Variants in DIS3L2 observed in about 807,000 individuals in gnomAD.
DIS3L2 encodes the protein DIS3-like exonuclease 2.
In DIS3L2, 34 loss-of-function variants were observed where a neutral mutation model predicts 97.5. The ratio of observed to expected loss-of-function variants is 0.35; its 90% CI spans 0.27 to 0.46. The LOEUF is 0.46. Ranked by LOEUF, DIS3L2 falls within the 20% of genes least tolerant of loss-of-function variation. The pLI is 1.00. For synonymous variants in DIS3L2, 435 were observed against 445.2 expected, an observed-to-expected ratio of 0.98 and a Z score of 0.29; for missense variants, 1,038 against 1,146.0, an observed-to-expected ratio of 0.91 and a Z score of 1.36.
chr2:232,323,751 C>T (rs954478634), intron 14 of DIS3L2, among the ~76,000 whole-genome samples: 34 of 152,336 alleles, frequency 2.2e-4, no homozygotes, highest in Admixed American at 5.9e-4. Flanking sequence ...TGGTGGGCCA[C>T]CCAGAGGCCA....
At chr2:232,014,204 T>C (rs1355452556) in intron 1 of DIS3L2, among the ~76,000 whole-genome samples, 1 of 152,224 alleles carries the variant, frequency 6.6e-6, no homozygotes, top group Non-Finnish European at 1.5e-5. Flanking sequence ...ATACAGCTGT[T>C]TGAGCTTCTG....
intron 9 of DIS3L2, among the ~76,000 whole-genome samples, chr2:232,164,317 A>G (rs149697260): frequency 2.0e-5 from 3 of 152,334 alleles, no homozygotes; most frequent in Non-Finnish European, 4.4e-5. Flanking sequence ...TTATAACAAC[A>G]TCTTCTTTGA....
intron 6 of DIS3L2, among the ~76,000 whole-genome samples, chr2:232,098,173 C>T (rs549741310): frequency 1.3e-5 from 2 of 152,212 alleles, no homozygotes; most frequent in Admixed American, 1.3e-4. Context: ...ACATTCCTCC[C>T]TATGAAGTTT....
At chr2:232,103,477 C>T (rs1000876519) in intron 6 of DIS3L2, among the ~76,000 whole-genome samples, 24 of 152,126 alleles carry the variant, frequency 1.6e-4, no homozygotes, top group African/African-American at 5.6e-4. Context: ...CTGTTTTTCC[C>T]TTTGGCTTGT....
chr2:232,148,153 G>A (rs1393248017), intron 8 of DIS3L2, among the ~76,000 whole-genome samples: 2 of 151,002 alleles, frequency 1.3e-5, no homozygotes, highest in Non-Finnish European at 1.5e-5. Flanking sequence ...GGGTTCAAGC[G>A]ATTCTCCTGC....
At chr2:232,079,424 G>A (rs11684388) in intron 5 of DIS3L2, among the ~76,000 whole-genome samples, 1,711 of 151,556 alleles carry the variant, frequency 0.011, 19 homozygotes, top group Non-Finnish European at 0.016. Flanking sequence ...GTGAAACCCC[G>A]TCTCTACTAA....
intron 14 of DIS3L2, 28 bp from the exon 15 acceptor site, chr2:232,329,785 T>TACCCGGGGGGG: frequency 3.1e-6 from 3 of 967,134 alleles, no homozygotes; most frequent in Non-Finnish European, 1.5e-6. Context: ...ACCCCAGCGG[T>TACCCGGGGGGG]CCCTCCCATC....
At chr2:232,278,702 T>C (rs1405371451) in intron 13 of DIS3L2, among the ~76,000 whole-genome samples, 3 of 152,238 alleles carry the variant, frequency 2.0e-5, no homozygotes, top group African/African-American at 7.2e-5. Context: ...CACAGTTTGT[T>C]TATCCACTTA....
rs577098670 is a variant in DIS3L2 at position 231,999,710 on chromosome 2, A to G, written c.-93-15125A>G. Among the ~76,000 whole-genome samples the G allele has an allele frequency of 1.9e-4, 29 of 152,302 alleles. No individual in the cohort carries two copies. In the East Asian group the frequency reaches 5.4e-3, roughly 28 times the overall value. ...ACACTTATTTTTTGTTTTTAGCCAC[A>G]GGATTTGGTTAAATACTGTACCCCA... On this transcript the variant is annotated intron_variant, in intron 1 of 20. Transcript: ENST00000325385.
intron 9 of DIS3L2, 79 bp from the exon 10 acceptor site, chr2:232,210,247 G>A (rs768968186): frequency 1.8e-6 from 2 of 1,142,258 alleles, no homozygotes; most frequent in Non-Finnish European, 2.6e-6. Context: ...AAAATTCACT[G>A]TTCTTTAAAG....
At chr2:232,040,067 CAG>C (rs1480448503) in intron 5 of DIS3L2, among the ~76,000 whole-genome samples, 1 of 152,048 alleles carries the variant, frequency 6.6e-6, no homozygotes, top group Admixed American at 6.5e-5. Context: ...AGGATGGAAA[CAG>C]AAATACCACA....
intron 1 of DIS3L2, among the ~76,000 whole-genome samples, chr2:231,962,420 A>G (rs141295074): frequency 1.3e-5 from 2 of 149,122 alleles, no homozygotes; most frequent in Non-Finnish European, 3.0e-5. Flanking sequence ...CCAGTAGTCT[A>G]CAGTGTCTAC....
intron 17 of DIS3L2, 38 bp downstream of exon 17, chr2:232,334,025 A>C (rs769696605): frequency 6.3e-7 from 1 of 1,579,178 alleles, no homozygotes; most frequent in Non-Finnish European, 8.6e-7. Flanking sequence ...GACCTGGGCC[A>C]GCTCAGGGCT....
intron 9 of DIS3L2, among the ~76,000 whole-genome samples, chr2:232,166,630 C>G (rs958190479): frequency 6.6e-6 from 1 of 151,788 alleles, no homozygotes; most frequent in Admixed American, 6.6e-5. Flanking sequence ...GCAGGAGAAT[C>G]GCTTGAACCC....
rs1694636255 is a variant in DIS3L2, at chr2:232,292,836, C to T, written c.1660-7204C>T. On this transcript the variant is annotated intron_variant, in intron 13 of 20. Transcript: ENST00000325385. The surrounding 1 kb of genome is among the most constrained non-coding windows in gnomAD (Gnocchi z 4.4). ...TGCTGGTGGAAGCTGACAGAGCAACCTTGTTGTTGCCTCTTGGGTCCTTCA... is the reference window on the plus strand; with the variant it reads ...TGCTGGTGGAAGCTGACAGAGCAACTTTGTTGTTGCCTCTTGGGTCCTTCA... Among the ~76,000 whole-genome samples, 1 of 152,182 alleles carries T rather than the reference C, an allele frequency of 6.6e-6. No homozygotes were observed. Among genetic ancestry groups the T allele is most frequent in the Non-Finnish European group, 1.5e-5 (1 of 68,038 alleles).
At chr2:232,333,393 G>C (rs914927881) in intron 16 of DIS3L2, among the ~76,000 whole-genome samples, 5 of 151,426 alleles carry the variant, frequency 3.3e-5, no homozygotes, top group African/African-American at 7.3e-5. Flanking sequence ...CCCCATGCTG[G>C]GGAAGGGTAG....
chr2:232,325,752 G>A lies in DIS3L2; in HGVS notation c.1740-4061G>A, dbSNP rs370812214. ...GGCTGGCAGCCATTCCCAGCCCCTCGGAAAGCAGTTGTCAGGCAGTCCCTG... is the reference window on the plus strand; with the variant it reads ...GGCTGGCAGCCATTCCCAGCCCCTCAGAAAGCAGTTGTCAGGCAGTCCCTG... On this transcript the variant is annotated intron_variant, in intron 14 of 20. Transcript: ENST00000325385. The surrounding 1 kb of genome is among the most constrained non-coding windows in gnomAD (Gnocchi z 4.6). 9.2e-5 allele frequency among the ~76,000 whole-genome samples: 14 copies of A among 152,212 alleles called. No homozygotes were observed. Among genetic ancestry groups the A allele is most frequent in the African/African-American group, 2.4e-5 (1 of 41,458 alleles).
intron 9 of DIS3L2, among the ~76,000 whole-genome samples, chr2:232,209,111 C>G (rs1163746598): frequency 6.6e-6 from 1 of 152,050 alleles, no homozygotes; most frequent in East Asian, 1.9e-4. Context: ...ATTGATGGCG[C>G]ATCTTATAAT....
At chr2:232,301,418 A>T (rs1409219982) in intron 14 of DIS3L2, among the ~76,000 whole-genome samples, 2 of 152,218 alleles carry the variant, frequency 1.3e-5, no homozygotes, top group Non-Finnish European at 2.9e-5. Flanking sequence ...GTGGAAGGAA[A>T]CAAATAGGCA....
Sources: gnomAD v4.1 joint callset for allele counts (sites outside exome capture counted in the v4.1 genomes callset) on GRCh38, gnomAD v4.1.1 for gene constraint, Gnocchi (gnomAD v3.1) non-coding constraint, MANE v1.5 for transcripts, NCBI Gene and HGNC (gene_info 2026-07-23, HGNC 2026-07-21) for gene names.